The following DLG2 variants were observed in gnomAD, a reference collection of about 807,000 sequenced individuals.
DLG2 encodes the protein discs large MAGUK scaffold protein 2, also known as disks large homolog 2.
DLG2 carries 45 observed loss-of-function variants against 132.5 expected under a neutral mutation model. The observed-to-expected ratio is 0.34, with a 90% CI of 0.27 to 0.44. DLG2 has a LOEUF of 0.44. DLG2 is among the 20% of genes least tolerant of loss of function. The pLI, the probability that DLG2 is intolerant of heterozygous loss-of-function variation, is 1.00. For synonymous variants in DLG2, 424 were observed against 419.6 expected, an observed-to-expected ratio of 1.01 and a Z score of -0.13; for missense variants, 1,045 against 1,196.9, an observed-to-expected ratio of 0.87 and a Z score of 1.87.
chr11:84,301,706 G>A (rs1010675499), intron 7 of DLG2, among the ~76,000 whole-genome samples: 22 of 149,622 alleles, frequency 1.5e-4, no homozygotes, highest in African/African-American at 4.7e-4. Flanking sequence ...TGGAGAGGAT[G>A]TGGAGAAATA....
chr11:85,550,620 T>C (rs1206876806), intron 3 of DLG2, among the ~76,000 whole-genome samples: 1 of 152,232 alleles, frequency 6.6e-6, no homozygotes, highest in East Asian at 1.9e-4. Context: ...CACCCACTGT[T>C]GCAAGTCCCA....
At chr11:84,409,692 C>T (rs2098888239) in intron 7 of DLG2, among the ~76,000 whole-genome samples, 1 of 152,072 alleles carries the variant, frequency 6.6e-6, no homozygotes, top group Non-Finnish European at 1.5e-5. Context: ...TTCTTCCTAC[C>T]ACCTTATCAG....
intron 7 of DLG2, among the ~76,000 whole-genome samples, chr11:84,275,216 T>A (rs2097772642): frequency 6.6e-6 from 1 of 152,210 alleles, no homozygotes; most frequent in African/African-American, 2.4e-5. Flanking sequence ...TCCTCTTCTC[T>A]TTAGTTTTTG....
At chr11:85,454,084 G>C (rs2092341050) in intron 3 of DLG2, among the ~76,000 whole-genome samples, 1 of 151,426 alleles carries the variant, frequency 6.6e-6, no homozygotes, top group African/African-American at 2.4e-5. Context: ...TTGCTGCAAA[G>C]GGAATGATCT....
At chr11:84,865,737 T>G (rs573249067) in intron 6 of DLG2, among the ~76,000 whole-genome samples, 2 of 152,214 alleles carry the variant, frequency 1.3e-5, no homozygotes, top group Non-Finnish European at 2.9e-5. Context: ...AATGCTCTTA[T>G]ATGTGAATTA....
At chr11:84,636,784 ATTTTT>A (rs58336974) in intron 6 of DLG2, among the ~76,000 whole-genome samples, 1 of 145,642 alleles carries the variant, frequency 6.9e-6, no homozygotes, top group African/African-American at 2.5e-5. Context: ...AGGGATGCAC[ATTTTT>A]TTTTTTTTTT....
intron 11 of DLG2, among the ~76,000 whole-genome samples, chr11:83,993,472 T>A (rs2093839551): frequency 6.6e-6 from 1 of 152,122 alleles, no homozygotes; most frequent in African/African-American, 2.4e-5. Context: ...TAAACGAACA[T>A]TAAAAATGAC....
intron 9 of DLG2, among the ~76,000 whole-genome samples, chr11:84,116,179 C>G (rs2093625402): frequency 6.6e-6 from 1 of 152,140 alleles, no homozygotes; most frequent in Non-Finnish European, 1.5e-5. Context: ...AGTGTGTGAC[C>G]TTGGGCTAGC....
chr11:84,828,239 G>A (rs1292991220), intron 6 of DLG2, among the ~76,000 whole-genome samples: 5 of 151,722 alleles, frequency 3.3e-5, no homozygotes, highest in Non-Finnish European at 7.4e-5. Flanking sequence ...TTTCATTGGA[G>A]CTGCTAACAT....
At chr11:85,199,315 G>C (rs2081286379) in intron 4 of DLG2, among the ~76,000 whole-genome samples, 1 of 152,130 alleles carries the variant, frequency 6.6e-6, no homozygotes, top group Non-Finnish European at 1.5e-5. Context: ...CATATTTTAT[G>C]TTTCTATTTA....
chr11:83,515,993 T>C (rs2095279138), intron 21 of DLG2, among the ~76,000 whole-genome samples: 1 of 152,214 alleles, frequency 6.6e-6, no homozygotes, highest in Non-Finnish European at 1.5e-5. Context: ...GAAAAGAATG[T>C]ATATTCTGTT....
At chr11:84,562,602 C>A (rs1191551522) in intron 6 of DLG2, among the ~76,000 whole-genome samples, 7 of 152,084 alleles carry the variant, frequency 4.6e-5, no homozygotes, top group African/African-American at 1.7e-4. Context: ...TTTTTAACAG[C>A]AGTTTCGTCT....
chr11:84,938,708 A>G (rs1159830104), intron 6 of DLG2, among the ~76,000 whole-genome samples: 1 of 152,166 alleles, frequency 6.6e-6, no homozygotes, highest in Non-Finnish European at 1.5e-5. Flanking sequence ...ACATCTGCAT[A>G]TGCTACCTTC....
At chr11:85,199,729 AAAC>A (rs1440111446) in intron 4 of DLG2, among the ~76,000 whole-genome samples, 2 of 152,220 alleles carry the variant, frequency 1.3e-5, no homozygotes, top group African/African-American at 2.4e-5. Flanking sequence ...ACAAAATAAT[AAAC>A]AATATATAGA....
intron 11 of DLG2, among the ~76,000 whole-genome samples, chr11:83,985,079 T>C (rs908473788): frequency 6.6e-6 from 1 of 152,128 alleles, no homozygotes; most frequent in Non-Finnish European, 1.5e-5. Flanking sequence ...TGGATAGCTA[T>C]TCTATGAAGA....
chr11:84,748,100 T>A (rs963201710), intron 6 of DLG2, among the ~76,000 whole-genome samples: 2 of 152,318 alleles, frequency 1.3e-5, no homozygotes, highest in South Asian at 2.1e-4. Context: ...CAGGGCAACA[T>A]CTGCTCTCAG....
intron 7 of DLG2, among the ~76,000 whole-genome samples, chr11:84,297,126 ATTTG>A (rs1567209809): frequency 2.6e-5 from 3 of 117,526 alleles, no homozygotes; most frequent in Non-Finnish European, 5.1e-5. Context: ...ACCTCAAAGA[ATTTG>A]AAAAAAAAAA....
chr11:85,349,631 A>T (rs1376532571), intron 3 of DLG2, among the ~76,000 whole-genome samples: 1 of 152,094 alleles, frequency 6.6e-6, no homozygotes, highest in Non-Finnish European at 1.5e-5. Context: ...CTCATTGTTC[A>T]ATTCCCACCT....
intron 6 of DLG2, among the ~76,000 whole-genome samples, chr11:85,055,162 AC>A (rs916276320): frequency 6.6e-6 from 1 of 152,204 alleles, no homozygotes; most frequent in Non-Finnish European, 1.5e-5. Flanking sequence ...TCAAATGGAC[AC>A]AATCATATAA....
Sources: gnomAD v4.1 joint callset for allele counts (sites outside exome capture counted in the v4.1 genomes callset) on GRCh38, gnomAD v4.1.1 for gene constraint, MANE v1.5 for transcripts, NCBI Gene and HGNC (gene_info 2026-07-23, HGNC 2026-07-21) for gene names.